The following HYCC1 variants were observed in gnomAD, a reference collection of about 807,000 sequenced individuals.
The protein encoded by HYCC1 is hyccin PI4KA lipid kinase complex subunit 1.
chr7:22,978,071 C>A, the HYCC1 span: 21 of 609,136 alleles, frequency 3.4e-5, no homozygotes, highest in Non-Finnish European at 5.5e-5. Context: ...TTCAATCAAT[C>A]CATAAAGGTA....
chr7:22,970,444 T>C, the HYCC1 span, among the ~76,000 whole-genome samples: 83,473 of 152,044 alleles, frequency 0.55, 23,454 homozygotes, highest in Non-Finnish European at 0.61. Flanking sequence ...TCTTGTGATA[T>C]AGCAGTGAAC....
At chr7:22,994,888 A>G in the HYCC1 span, among the ~76,000 whole-genome samples, 1 of 152,128 alleles carries the variant, frequency 6.6e-6, no homozygotes, top group East Asian at 1.9e-4. Context: ...ACTAGTCATC[A>G]TAACTCTTTG....
chr7:23,002,153 T>C, the HYCC1 span, among the ~76,000 whole-genome samples: 26,433 of 68,592 alleles, frequency 0.39, 3,244 homozygotes, highest in South Asian at 0.48. Context: ...TATATATATA[T>C]ATATATATAT....
At chr7:22,937,542 GC>G in the HYCC1 span, 1 of 152,092 alleles carries the variant, frequency 6.6e-6, no homozygotes, top group Non-Finnish European at 1.5e-5. Context: ...TCAGAGTAAA[GC>G]TTTACAACCT....
At chr7:22,964,539 A>AATTTG in the HYCC1 span, 1 of 1,476,114 alleles carries the variant, frequency 6.8e-7, no homozygotes, top group Non-Finnish European at 9.5e-7. Flanking sequence ...ATTCTAGAAA[A>AATTTG]ACCAAAATAA....
the HYCC1 span, among the ~76,000 whole-genome samples, chr7:22,931,547 G>C: frequency 3.9e-5 from 6 of 152,126 alleles, no homozygotes; most frequent in African/African-American, 7.2e-5. Flanking sequence ...TGAGATACAT[G>C]ATAGAAAACC....
the HYCC1 span, among the ~76,000 whole-genome samples, chr7:22,996,927 C>T: frequency 6.6e-6 from 1 of 152,230 alleles, no homozygotes; most frequent in Admixed American, 6.5e-5. Context: ...CTTTATTCTT[C>T]TCAAAGATAA....
At chr7:22,987,365 C>A in the HYCC1 span, among the ~76,000 whole-genome samples, 1 of 152,074 alleles carries the variant, frequency 6.6e-6, no homozygotes, top group Non-Finnish European at 1.5e-5. Context: ...CTCGCTAACA[C>A]GGCAAGACCC....
the HYCC1 span, among the ~76,000 whole-genome samples, chr7:23,009,277 T>G: frequency 1.3e-5 from 2 of 152,124 alleles, no homozygotes; most frequent in Non-Finnish European, 2.9e-5. Context: ...GATTATTATA[T>G]TAGTAATTAA....
the HYCC1 span, among the ~76,000 whole-genome samples, chr7:22,955,462 C>A: frequency 6.6e-6 from 1 of 151,534 alleles, no homozygotes; most frequent in African/African-American, 2.4e-5. Context: ...AATCGAGATT[C>A]CACTGGATAA....
At chr7:22,924,187 A>G in the HYCC1 span, among the ~76,000 whole-genome samples, 1 of 149,138 alleles carries the variant, frequency 6.7e-6, no homozygotes, top group Admixed American at 6.7e-5. Flanking sequence ...CAAAAAAAAA[A>G]AAAAAAAAGG....
chr7:22,985,895 CAT>C, the HYCC1 span, among the ~76,000 whole-genome samples: 1 of 149,160 alleles, frequency 6.7e-6, no homozygotes, highest in South Asian at 2.1e-4. Context: ...ACTATGTATA[CAT>C]AGTTACATGT....
At chr7:22,919,582 A>G in the HYCC1 span, among the ~76,000 whole-genome samples, 1 of 152,126 alleles carries the variant, frequency 6.6e-6, no homozygotes, top group Non-Finnish European at 1.5e-5. Context: ...AGTAGAGAGT[A>G]TCAATTAGGA....
the HYCC1 span, among the ~76,000 whole-genome samples, chr7:22,976,041 TATCA>T: frequency 6.6e-6 from 1 of 152,220 alleles, no homozygotes; most frequent in East Asian, 1.9e-4. Flanking sequence ...TTTTTGTGAC[TATCA>T]ATTATAGGGA....
the HYCC1 span, among the ~76,000 whole-genome samples, chr7:22,984,278 T>G: frequency 7.9e-5 from 12 of 152,158 alleles, no homozygotes; most frequent in Non-Finnish European, 1.5e-4. Flanking sequence ...AAGGTAAACA[T>G]GTTTACCTTA....
chr7:22,932,183 T>G, the HYCC1 span, among the ~76,000 whole-genome samples: 3 of 152,180 alleles, frequency 2.0e-5, no homozygotes, highest in African/African-American at 7.2e-5. Flanking sequence ...CAAGACTCCC[T>G]TGTCTAATGG....
At chr7:22,948,928 T>C in the HYCC1 span, among the ~76,000 whole-genome samples, 3 of 152,102 alleles carry the variant, frequency 2.0e-5, no homozygotes, top group South Asian at 6.2e-4. Context: ...TAAATTCTTA[T>C]TGAGGTACAT....
chr7:22,900,227 G>A, the HYCC1 span, among the ~76,000 whole-genome samples: 1 of 152,210 alleles, frequency 6.6e-6, no homozygotes, highest in Non-Finnish European at 1.5e-5. Context: ...AAAAAGAACT[G>A]TGTTAAAAAT....
At chr7:22,927,979 TATC>T in the HYCC1 span, among the ~76,000 whole-genome samples, 1 of 152,170 alleles carries the variant, frequency 6.6e-6, no homozygotes, top group Admixed American at 6.5e-5. Context: ...TCAAAAAGCT[TATC>T]CACCATGATC....
Sources: allele counts gnomAD v4.1 joint callset (sites outside exome capture counted in the v4.1 genomes callset), GRCh38; gene constraint gnomAD v4.1.1; transcripts MANE v1.5; gene names NCBI Gene and HGNC (gene_info 2026-07-23, HGNC 2026-07-21).